The following LOC400499 variants were observed in gnomAD, a reference collection of about 807,000 sequenced individuals.
chr16:11,513,010 C>T, the LOC400499 span, among the ~76,000 whole-genome samples: 1 of 152,204 alleles, frequency 6.6e-6, no homozygotes, highest in East Asian at 1.9e-4. Flanking sequence ...GCAGAACACA[C>T]GGCAGGGGTT....
the LOC400499 span, among the ~76,000 whole-genome samples, chr16:11,378,641 A>G: frequency 2.0e-5 from 3 of 152,216 alleles, no homozygotes; most frequent in East Asian, 1.9e-4. Context: ...ATAAGATTTC[A>G]TATGTTTGGT....
the LOC400499 span, among the ~76,000 whole-genome samples, chr16:11,434,859 G>A: frequency 6.6e-6 from 1 of 152,176 alleles, no homozygotes; most frequent in South Asian, 2.1e-4. Context: ...AGGCTCCTGA[G>A]CACCCCACCA....
At chr16:11,505,147 TA>T in the LOC400499 span, among the ~76,000 whole-genome samples, 11,069 of 135,512 alleles carry the variant, frequency 0.082, 454 homozygotes, top group East Asian at 0.14. Context: ...TGCAATGGCT[TA>T]AAAAAAAAAA....
At chr16:11,488,694 C>T in the LOC400499 span, 1 of 398,840 alleles carries the variant, frequency 2.5e-6, no homozygotes, top group Non-Finnish European at 4.4e-6. Context: ...CAGGGGCTGC[C>T]CAGGATGGCC....
chr16:11,443,779 A>G, the LOC400499 span, among the ~76,000 whole-genome samples: 9 of 152,056 alleles, frequency 5.9e-5, no homozygotes, highest in Non-Finnish European at 1.3e-4. Flanking sequence ...TTTCACCCCT[A>G]GGGAGCCACA....
At chr16:11,452,203 TTG>T in the LOC400499 span, among the ~76,000 whole-genome samples, 41,053 of 128,708 alleles carry the variant, frequency 0.32, 5,867 homozygotes, top group Non-Finnish European at 0.43. Context: ...GTTTTTTTGT[TTG>T]TTTTTTTTTT....
chr16:11,427,306 C>T, the LOC400499 span, among the ~76,000 whole-genome samples: 8 of 142,406 alleles, frequency 5.6e-5, no homozygotes, highest in African/African-American at 1.9e-4. Context: ...TGAGATGGCG[C>T]CATTGCACTC....
chr16:11,438,180 A>G, the LOC400499 span, among the ~76,000 whole-genome samples: 2 of 152,220 alleles, frequency 1.3e-5, no homozygotes. Context: ...CTGCCACGCA[A>G]TCATTTCACA....
the LOC400499 span, chr16:11,460,914 C>A: frequency 1.3e-6 from 2 of 1,483,820 alleles, no homozygotes; most frequent in African/African-American, 2.8e-5. Flanking sequence ...GGAAACAGGG[C>A]AGGCCCTGCC....
At chr16:11,404,850 C>T in the LOC400499 span, 1 of 399,028 alleles carries the variant, frequency 2.5e-6, no homozygotes, top group Admixed American at 4.4e-5. Flanking sequence ...GAACAGCTCC[C>T]TGGGAAGAGC....
At chr16:11,392,363 A>G in the LOC400499 span, 1 of 398,898 alleles carries the variant, frequency 2.5e-6, no homozygotes, top group Non-Finnish European at 4.4e-6. Context: ...CGCGGCCAGC[A>G]GGAGACTCTG....
chr16:11,393,163 C>T, the LOC400499 span, among the ~76,000 whole-genome samples: 3 of 127,896 alleles, frequency 2.3e-5, no homozygotes, highest in Admixed American at 7.5e-5. Flanking sequence ...CACCCCCCCC[C>T]CTTTTTTTTA....
the LOC400499 span, among the ~76,000 whole-genome samples, chr16:11,492,921 T>C: frequency 6.6e-6 from 1 of 152,192 alleles, no homozygotes; most frequent in Non-Finnish European, 1.5e-5. Flanking sequence ...TGAAAGTGCC[T>C]TTTAAGCTAA....
At chr16:11,383,860 A>T in the LOC400499 span, 1 of 1,232,074 alleles carries the variant, frequency 8.1e-7, no homozygotes, top group African/African-American at 1.6e-5. Flanking sequence ...GGCCTTCTGC[A>T]CCCCATGGGC....
chr16:11,454,077 G>A, the LOC400499 span, among the ~76,000 whole-genome samples: 3 of 152,248 alleles, frequency 2.0e-5, no homozygotes, highest in East Asian at 1.9e-4. Flanking sequence ...GGACTAAGAC[G>A]AGCTCCTAAA....
At chr16:11,463,885 G>A in the LOC400499 span, among the ~76,000 whole-genome samples, 1 of 152,188 alleles carries the variant, frequency 6.6e-6, no homozygotes, top group Non-Finnish European at 1.5e-5. Flanking sequence ...GCGTGCATAT[G>A]AATGTGTACA....
the LOC400499 span, chr16:11,450,611 G>T: frequency 6.5e-7 from 1 of 1,535,828 alleles, no homozygotes; most frequent in Non-Finnish European, 8.7e-7. Context: ...CTGCTCACCC[G>T]GAGGTAGGTG....
the LOC400499 span, chr16:11,450,818 C>T: frequency 2.0e-6 from 3 of 1,525,716 alleles, no homozygotes; most frequent in Non-Finnish European, 2.6e-6. Context: ...AGGTTCAAGG[C>T]TCCTGCAAGC....
chr16:11,429,765 T>G, the LOC400499 span, among the ~76,000 whole-genome samples: 3 of 151,442 alleles, frequency 2.0e-5, no homozygotes, highest in Non-Finnish European at 2.9e-5. Context: ...TGAGCCACCA[T>G]GCCTGGCCTG....
Sources: allele counts gnomAD v4.1 joint callset (sites outside exome capture counted in the v4.1 genomes callset), GRCh38; gene constraint gnomAD v4.1.1; transcripts MANE v1.5.